Variants in MOB3B observed in about 807,000 individuals in gnomAD.
The protein encoded by MOB3B is MOB kinase activator 3B.
Under a neutral mutation model 18.7 loss-of-function variants are expected in MOB3B, and 7 were observed. That is an observed-to-expected ratio of 0.37 (90% CI 0.21 to 0.70). The LOEUF is 0.70. MOB3B is among the 30% of genes least tolerant of loss of function. The probability of loss-of-function intolerance (pLI) is 0.52; values close to 1 mark genes in which losing one functional copy is unlikely to be tolerated. For synonymous variants in MOB3B, 111 were observed against 99.9 expected (o/e 1.11, Z -0.66); for missense variants, 253 against 281.3 (o/e 0.90, Z 0.72).
rs1819201570 is a variant in MOB3B at position 27,457,672 on chromosome 9, T to C, written c.-198-1924A>G. Among the ~76,000 whole-genome samples, 4 of 150,802 alleles carry C rather than the reference T, an allele frequency of 2.7e-5. No individual in the cohort carries two copies. The South Asian group carries it at 6.3e-4, about 24-fold the overall frequency. On this transcript the variant is annotated intron_variant, in intron 1 of 3. Coordinates refer to ENST00000262244, the MANE Select transcript of MOB3B (RefSeq NM_024761.5). Reference sequence around the variant, plus strand: ...TCTTCCTAACAGGTTTTCACTGAAATGCCATATCCGCAAGGTGGGTTTTTT... The same window carrying C: ...TCTTCCTAACAGGTTTTCACTGAAACGCCATATCCGCAAGGTGGGTTTTTT...
chr9:27,401,730 T>C (rs2131392609), intron 2 of MOB3B, among the ~76,000 whole-genome samples: 1 of 152,248 alleles, frequency 6.6e-6, no homozygotes, highest in East Asian at 1.9e-4. Flanking sequence ...ATAAAATCAT[T>C]AAAGAACTTC....
At chr9:27,506,472 T>A (rs976303985) in intron 1 of MOB3B, among the ~76,000 whole-genome samples, 3 of 152,200 alleles carry the variant, frequency 2.0e-5, no homozygotes, top group Non-Finnish European at 4.4e-5. Flanking sequence ...ATTTATTGTA[T>A]ATGTTCATAT....
intron 2 of MOB3B, among the ~76,000 whole-genome samples, chr9:27,410,379 A>G (rs931331054): frequency 1.3e-5 from 2 of 152,206 alleles, no homozygotes; most frequent in African/African-American, 4.8e-5. Context: ...AGATGATGGC[A>G]TGGGAATATT....
At chr9:27,491,327 A>G (rs1367226204) in intron 1 of MOB3B, among the ~76,000 whole-genome samples, 2 of 152,204 alleles carry the variant, frequency 1.3e-5, no homozygotes, top group Non-Finnish European at 2.9e-5. Context: ...GCTATTCACT[A>G]AGAAAAAAAA....
At chr9:27,383,499 G>A (rs992437494) in intron 2 of MOB3B, among the ~76,000 whole-genome samples, 1 of 152,164 alleles carries the variant, frequency 6.6e-6, no homozygotes, top group Non-Finnish European at 1.5e-5. Flanking sequence ...ATTCATGAAG[G>A]TTACATGAGA....
At chr9:27,456,241 G>T (rs185371717) in intron 1 of MOB3B, among the ~76,000 whole-genome samples, 1 of 152,342 alleles carries the variant, frequency 6.6e-6, no homozygotes, top group East Asian at 1.9e-4. Context: ...CTCAGCCTTG[G>T]TTGGGCATTA....
At chr9:27,346,476 T>C (rs1012594882) in intron 3 of MOB3B, among the ~76,000 whole-genome samples, 3 of 152,340 alleles carry the variant, frequency 2.0e-5, no homozygotes, top group African/African-American at 7.2e-5. Flanking sequence ...ATTTATCTCA[T>C]AGACTTGTGT....
chr9:27,443,049 A>C (rs1484126324), intron 2 of MOB3B, among the ~76,000 whole-genome samples: 1 of 152,194 alleles, frequency 6.6e-6, no homozygotes, highest in African/African-American at 2.4e-5. Context: ...TTACCTACAG[A>C]GCTTTAAAAC....
chr9:27,447,221 G>A (rs1018261080), intron 2 of MOB3B, among the ~76,000 whole-genome samples: 2 of 152,144 alleles, frequency 1.3e-5, no homozygotes, highest in African/African-American at 4.8e-5. Context: ...GCAGGGCACT[G>A]GTGGGGAGGG....
chr9:27,518,988 G>A (rs1820283738), intron 1 of MOB3B, among the ~76,000 whole-genome samples: 1 of 152,228 alleles, frequency 6.6e-6, no homozygotes, highest in South Asian at 2.1e-4. Flanking sequence ...GACATCACTA[G>A]AGTAGAGGTA....
chr9:27,426,362 A>G (rs1475627815), intron 2 of MOB3B, among the ~76,000 whole-genome samples: 4 of 152,264 alleles, frequency 2.6e-5, no homozygotes, highest in Non-Finnish European at 5.9e-5. Context: ...TGGCATGAGC[A>G]GAACAGGAAG....
rs978747495 is a variant in MOB3B at position 27,328,265 on chromosome 9, C to T, written c.*2322G>A. 2.6e-5 allele frequency: 4 copies of T among 151,868 alleles called. No homozygotes were observed. Among genetic ancestry groups the T allele is most frequent in the Non-Finnish European group, 5.9e-5 (4 of 67,896 alleles). The allele number at this position is 151,868 out of a possible 1,614,324, so 9.4% of individuals were successfully genotyped here. Reference sequence around the variant, plus strand: ...GGTTGTCAGTCTCTGACCCAGAGGGCTGAAGCTCCATTTATAACAGAGATG... The same window carrying T: ...GGTTGTCAGTCTCTGACCCAGAGGGTTGAAGCTCCATTTATAACAGAGATG... On this transcript the variant is annotated 3_prime_UTR_variant, in exon 4 of 4. Coordinates refer to ENST00000262244, the MANE Select transcript of MOB3B (RefSeq NM_024761.5).
chr9:27,354,297 T>C (rs995862829), intron 3 of MOB3B, among the ~76,000 whole-genome samples: 4 of 152,198 alleles, frequency 2.6e-5, no homozygotes, highest in African/African-American at 9.6e-5. Flanking sequence ...AGAGTTTTCC[T>C]AGGACATGAG....
chr9:27,520,830 T>G (rs1379825212), intron 1 of MOB3B, among the ~76,000 whole-genome samples: 1 of 152,142 alleles, frequency 6.6e-6, no homozygotes, highest in Non-Finnish European at 1.5e-5. Context: ...GCTTGCATGG[T>G]GGATAGGGTT....
At chr9:27,374,223 T>C (rs1482780405) in intron 2 of MOB3B, among the ~76,000 whole-genome samples, 1 of 152,048 alleles carries the variant, frequency 6.6e-6, no homozygotes, top group Non-Finnish European at 1.5e-5. Context: ...AGTATTTTTT[T>C]TTTTTTTTTA....
At chr9:27,509,191 T>C (rs1338500410) in intron 1 of MOB3B, among the ~76,000 whole-genome samples, 1 of 152,134 alleles carries the variant, frequency 6.6e-6, no homozygotes, top group Non-Finnish European at 1.5e-5. Flanking sequence ...TAAAAATACA[T>C]AAATATACAC....
chr9:27,520,654 C>T (rs1820310093), intron 1 of MOB3B, among the ~76,000 whole-genome samples: 1 of 152,154 alleles, frequency 6.6e-6, no homozygotes, highest in Non-Finnish European at 1.5e-5. Context: ...TTTAGTATGA[C>T]AGGTGACCTC....
chr9:27,498,361 G>C (rs376180592), intron 1 of MOB3B, among the ~76,000 whole-genome samples: 1 of 152,200 alleles, frequency 6.6e-6, no homozygotes, highest in African/African-American at 2.4e-5. Flanking sequence ...TTTGGGAGTC[G>C]TATGAGCTGT....
chr9:27,506,853 T>C (rs1416938370), intron 1 of MOB3B, among the ~76,000 whole-genome samples: 12 of 140,662 alleles, frequency 8.5e-5, no homozygotes, highest in African/African-American at 2.6e-4. Context: ...TTTTTTTTTT[T>C]GTATTTTTAG....
Sources: allele counts gnomAD v4.1 joint callset (sites outside exome capture counted in the v4.1 genomes callset), GRCh38; gene constraint gnomAD v4.1.1; transcripts MANE v1.5; gene names NCBI Gene and HGNC (gene_info 2026-07-23, HGNC 2026-07-21).